CNGA1: variants seen among roughly 807,000 people sequenced by gnomAD.
CNGA1 encodes cyclic nucleotide-gated channel alpha-1.
Under a neutral mutation model 69.7 loss-of-function variants are expected in CNGA1, and 53 were observed. The observed-to-expected ratio is 0.76, with a 90% CI of 0.61 to 0.96. The LOEUF (loss-of-function observed/expected upper bound fraction) is 0.96, where lower values mean the gene tolerates loss of function less well. CNGA1 is among the 40% of genes least tolerant of loss of function. The pLI is 0.00. For synonymous variants in CNGA1, 249 were observed against 283.5 expected (o/e 0.88, Z 1.22); for missense variants, 739 against 811.2 (o/e 0.91, Z 1.08).
chr4:47,943,218 T>G lies in CNGA1; in HGVS notation c.400A>C (p.Lys134Gln), dbSNP rs775436707. The change falls in exon 8 of 11, where the codon AAA becomes CAA. Residue 134 changes from lysine to glutamine, a missense_variant. Transcript: ENST00000514170. Reference sequence around the variant, plus strand: ...TCTTTGCTTTTCTCCTCTTTCTTTTTCTTCTCTTTGTCCTTTTTCTTCTTT... The same window carrying G: ...TCTTTGCTTTTCTCCTCTTTCTTTTGCTTCTCTTTGTCCTTTTTCTTCTTT... The part of the protein sequence containing the change: ...KKKKKKDKEK[K>Q]KKEEKSKDKK... 5.6e-6 allele frequency: 9 copies of G among 1,607,110 alleles called. No individual in the cohort carries two copies. Among genetic ancestry groups the G allele is most frequent in the Non-Finnish European group, 6.8e-6 (8 of 1,177,146 alleles).
chr4:48,006,891 T>C (rs1714943400), intron 2 of CNGA1, among the ~76,000 whole-genome samples: 1 of 152,062 alleles, frequency 6.6e-6, no homozygotes, highest in South Asian at 2.1e-4. Context: ...CCAAAATGCT[T>C]GAATTACAGG....
intron 3 of CNGA1, among the ~76,000 whole-genome samples, chr4:47,957,188 A>G (rs1195218275): frequency 6.6e-6 from 1 of 152,072 alleles, no homozygotes; most frequent in Non-Finnish European, 1.5e-5. Context: ...CACCCACCTC[A>G]GTCTCCCAAA....
intron 6 of CNGA1, among the ~76,000 whole-genome samples, chr4:47,948,852 C>T (rs1055120888): frequency 1.3e-5 from 2 of 152,156 alleles, no homozygotes; most frequent in Admixed American, 6.5e-5. Context: ...GTTCCACCAG[C>T]TAAGTCATCT....
At chr4:48,007,913 G>C (rs1714991764) in intron 2 of CNGA1, among the ~76,000 whole-genome samples, 3 of 152,220 alleles carry the variant, frequency 2.0e-5, no homozygotes, top group South Asian at 4.1e-4. Flanking sequence ...TATATGAGTT[G>C]AAGGAAACCA....
intron 1 of CNGA1, among the ~76,000 whole-genome samples, chr4:48,015,830 T>C (rs1715353044): frequency 6.6e-6 from 1 of 152,128 alleles, no homozygotes; most frequent in African/African-American, 2.4e-5. Flanking sequence ...ACTTGTGGAC[T>C]CAAGAGAGCC....
rs920907901 is a variant in CNGA1 at position 47,976,338 on chromosome 4, C to T, written c.-15+5055G>A. 9.7e-4 allele frequency among the ~76,000 whole-genome samples: 23 copies of T among 23,786 alleles called. 3 individuals carry two copies. Among genetic ancestry groups the T allele is most frequent in the Non-Finnish European group, 1.8e-3 (14 of 7,690 alleles). The allele number at this position is 23,786 out of a possible 152,430, so 15.6% of individuals were successfully genotyped here. On this transcript the variant is annotated intron_variant, in intron 3 of 10. Transcript: ENST00000514170. ...ACATATATATGTATATATATATATA[C>T]ACATATATATATATATGTATATGTG...
chr4:47,990,043 T>G (rs182417378), intron 2 of CNGA1, among the ~76,000 whole-genome samples: 1 of 149,430 alleles, frequency 6.7e-6, no homozygotes, highest in African/African-American at 2.6e-5. Flanking sequence ...CCTGTGATGA[T>G]TGCATTAACG....
At chr4:47,949,947 T>A in intron 5 of CNGA1, 52 bp from the exon 6 acceptor site, 1 of 1,540,930 alleles carries the variant, frequency 6.5e-7, no homozygotes, top group East Asian at 2.2e-5. Flanking sequence ...ATCTGTATAA[T>A]GTCCATGGTA....
chr4:47,969,078 T>C (rs866973952), intron 3 of CNGA1, among the ~76,000 whole-genome samples: 2 of 152,126 alleles, frequency 1.3e-5, no homozygotes, highest in Middle Eastern at 3.2e-3. Context: ...ACTAATATAG[T>C]AGTTTTGTGT....
chr4:47,990,327 G>A (rs543343528), intron 2 of CNGA1, among the ~76,000 whole-genome samples: 2 of 152,048 alleles, frequency 1.3e-5, no homozygotes, highest in Non-Finnish European at 2.9e-5. Context: ...TTGGGGGGAG[G>A]TCTATAGATG....
intron 3 of CNGA1, among the ~76,000 whole-genome samples, chr4:47,977,520 T>G (rs1352290834): frequency 6.6e-6 from 1 of 152,108 alleles, no homozygotes; most frequent in East Asian, 1.9e-4. Context: ...GTGCTCATGG[T>G]TTCTCCTCAA....
At position 47,936,821 on chromosome 4, in the gene CNGA1, C is replaced by T. The variant is rs1738676289; in HGVS notation, c.1661G>A (p.Gly554Asp). The change falls in exon 11 of 11, where the codon GGC (glycine) becomes GAC (aspartate). Residue 554 changes from glycine (G) to aspartate (D), a missense_variant. Transcript: ENST00000514170. ...TTTAATATTGGCCGTTCTTCGATTG[C>T]CAGCTTTGCTCCCTTTAATGTTAAG... is the stretch of plus-strand genomic sequence containing the variant. ...SILNIKGSKA[G>D]NRRTANIKSI... is the part of the protein sequence containing the mutation. The T allele has an allele frequency of 7.4e-6, 12 of 1,614,110 alleles. No individual in the cohort carries two copies. Among genetic ancestry groups the T allele is most frequent in the Non-Finnish European group, 1.0e-5 (12 of 1,180,024 alleles).
chr4:47,951,274 A>C, intron 5 of CNGA1, 79 bp downstream of exon 5: 1 of 882,914 alleles, frequency 1.1e-6, no homozygotes, highest in Non-Finnish European at 1.9e-6. Context: ...CCATGATCTG[A>C]TTGCAAAAAT....
chr4:47,953,672 C>G (rs1739880285), intron 3 of CNGA1, among the ~76,000 whole-genome samples: 1 of 152,300 alleles, frequency 6.6e-6, no homozygotes, highest in South Asian at 2.1e-4. Context: ...TCCAGCTGCT[C>G]CCAGCACAGG....
In CNGA1 at chr4:47,951,398, C is replaced by T. The variant is rs201031527; in HGVS notation, c.179G>A (p.Gly60Asp). 2 of 1,613,718 alleles carry T rather than the reference C, an allele frequency of 1.2e-6. No individual in the cohort carries two copies. Among genetic ancestry groups the T allele is most frequent in the African/African-American group, 1.3e-5 (1 of 75,034 alleles). ...ESENENPHAR[G>D]SFSYKSLRKG... is the part of the protein sequence containing the mutation. ...TCTGAGTGACTTATAACTAAAGGAA[C>T]CCCTTGCATGAGGGTTTTCATTCTC... is the stretch of plus-strand genomic sequence containing the variant. Residue 60 changes from glycine to aspartate, a missense_variant, in exon 5 of 11, where the codon GGT (glycine) becomes GAT (aspartate). Transcript: ENST00000514170.
At chr4:47,974,971 G>T (rs1461931418) in intron 3 of CNGA1, among the ~76,000 whole-genome samples, 1 of 152,082 alleles carries the variant, frequency 6.6e-6, no homozygotes, top group African/African-American at 2.4e-5. Context: ...AGTCTCGATG[G>T]GGAGGTAATG....
Position 47,937,552 on chromosome 4 carries a change from A to G in CNGA1, c.930T>C (p.Asn310=), listed in dbSNP as rs188607105. 4.3e-6 allele frequency: 7 copies of G among 1,614,194 alleles called. No homozygotes were observed. In the East Asian group the frequency reaches 1.3e-4, roughly 31 times the overall value. Residue 310 remains asparagine (N), a synonymous_variant, in exon 11 of 11, where the codon AAT becomes AAC. Coordinates refer to ENST00000514170, the MANE Select transcript of CNGA1 (RefSeq NM_001379270.1). The stretch of plus-strand genomic sequence containing the variant: ...TAGAAATAGAGTAGAACACACATGC[A>G]TTCCAGTGGATAATGATGACGATAT... ...VMYIVIIIHW[N]ACVFYSISKA...
At chr4:47,977,206 G>A (rs112515209) in intron 3 of CNGA1, among the ~76,000 whole-genome samples, 43 of 152,292 alleles carry the variant, frequency 2.8e-4, no homozygotes, top group African/African-American at 7.9e-4. Context: ...TTAAGTCAAA[G>A]TGAGGCCATT....
intron 4 of CNGA1, among the ~76,000 whole-genome samples, chr4:47,952,368 A>AAAAT (rs10665658): frequency 0.29 from 41,945 of 144,360 alleles, 6,244 homozygotes; most frequent in South Asian, 0.35. Context: ...ACTCCATCTC[A>AAAAT]AAATAAATAA....
Sources: gnomAD v4.1 joint callset for allele counts (sites outside exome capture counted in the v4.1 genomes callset) on GRCh38, gnomAD v4.1.1 for gene constraint, MANE v1.5 for transcripts, NCBI Gene and HGNC (gene_info 2026-07-23, HGNC 2026-07-21) for gene names.